The following PARP16 variants were observed in gnomAD, a reference collection of about 807,000 sequenced individuals.
PARP16 encodes protein mono-ADP-ribosyltransferase PARP16.
In PARP16, 31 loss-of-function variants were observed where a neutral mutation model predicts 35.0. The ratio of observed to expected loss-of-function variants is 0.88; its 90% confidence interval spans 0.66 to 1.19. The LOEUF (loss-of-function observed/expected upper bound fraction) is 1.19, where lower values mean the gene tolerates loss of function less well. PARP16 is among the 50% of genes most tolerant of loss of function. PARP16 has a pLI of 0.00. For missense variants in PARP16, 424 were observed against 411.2 expected, an observed-to-expected ratio of 1.03 and a Z score of -0.27; for synonymous variants, 162 against 169.5, an observed-to-expected ratio of 0.96 and a Z score of 0.34.
intron 3 of PARP16, among the ~76,000 whole-genome samples, chr15:65,236,860 T>C (rs1023105507): frequency 6.6e-6 from 1 of 150,830 alleles, no homozygotes; most frequent in Non-Finnish European, 1.5e-5. Flanking sequence ...TAGTCCCAGC[T>C]ACTCGGGAGG....
In PARP16 at chr15:65,244,119, C is replaced by T. The variant is rs557652787; in HGVS notation, c.*97+3998G>A. Reference sequence around the variant, plus strand: ...ATCTTCCACAGGCTCTTTGCATGGTCGTTTCTCATTCTCAATCTCCAGGTC... The same window carrying T: ...ATCTTCCACAGGCTCTTTGCATGGTTGTTTCTCATTCTCAATCTCCAGGTC... On this transcript the variant is annotated intron_variant and NMD_transcript_variant, in intron 3 of 3. Transcript: ENST00000559805. 5.9e-5 allele frequency among the ~76,000 whole-genome samples: 9 copies of T among 152,280 alleles called. No homozygotes were observed. In the South Asian group the frequency reaches 1.2e-3, roughly 21 times the overall value.
rs763570660 is a variant in PARP16 at position 65,260,969 on chromosome 15, A to T, written c.749T>A (p.Ile250Asn). 26 of 1,613,594 alleles carry T rather than the reference A, an allele frequency of 1.6e-5. No individual in the cohort carries two copies. In the African/African-American group the frequency reaches 2.7e-4, roughly 17 times the overall value. ...ARIKHSEGGD[I>N]PPKYFVVTNN... ...GGTGACCACGAAGTACTTGGGAGGG[A>T]TGTCTCCCCCTTCACTATGTTTGAT... Residue 250 changes from isoleucine to asparagine, a missense_variant, in exon 5 of 6, where the codon ATC becomes AAC. Ile to Asn is a moderately radical substitution (Grantham distance 149). Coordinates refer to ENST00000649807, the MANE Select transcript of PARP16 (RefSeq NM_001316943.2).
At chr15:65,241,338 A>G (rs1370950665) in intron 3 of PARP16, among the ~76,000 whole-genome samples, 3 of 141,954 alleles carry the variant, frequency 2.1e-5, no homozygotes, top group East Asian at 2.2e-4. Flanking sequence ...ACGGGGTTTC[A>G]CCATGTTGGC....
chr15:65,250,638 TCTC>T (rs1010450324), intron 2 of PARP16, among the ~76,000 whole-genome samples: 4 of 152,210 alleles, frequency 2.6e-5, no homozygotes, highest in African/African-American at 9.6e-5. Context: ...CTTCCTCCCT[TCTC>T]CTACTGCTGC....
At chr15:65,266,909 C>T (rs2089911686) in intron 2 of PARP16, 141 bp from the exon 3 acceptor site, 1 of 654,968 alleles carries the variant, frequency 1.5e-6, no homozygotes, top group African/African-American at 1.8e-5. Flanking sequence ...GAGACATAAG[C>T]AAACTCAGAG....
chr15:65,250,096 C>T (rs1198047864), intron 2 of PARP16, among the ~76,000 whole-genome samples: 3 of 143,350 alleles, frequency 2.1e-5, no homozygotes, highest in African/African-American at 7.6e-5. Flanking sequence ...TGCAGCCTTG[C>T]ACCTGCTTGC....
At chr15:65,264,703 GA>G (rs1245025582) in intron 3 of PARP16, among the ~76,000 whole-genome samples, 1 of 152,130 alleles carries the variant, frequency 6.6e-6, no homozygotes, top group East Asian at 1.9e-4. Flanking sequence ...TTAGACTTGA[GA>G]ACCCCATGCA....
chr15:65,239,955 C>CGTTTTTTTTTTTTTTTTT, intron 3 of PARP16, among the ~76,000 whole-genome samples: 1 of 81,750 alleles, frequency 1.2e-5, no homozygotes, highest in Non-Finnish European at 2.1e-5. Context: ...CGCGTCTGAC[C>CGTTTTTTTTTTTTTTTTT]TTTTTTTTTT....
In PARP16 at chr15:65,286,694, A is replaced by C; in HGVS notation, c.-268T>G. ...GCGGGGAGGTTGGGCCCAGGGATAA[A>C]GGAACTGGGGCTGGTGGGGGGGAGG... On this transcript the variant is annotated 5_prime_UTR_variant, in exon 1 of 6. Transcript: ENST00000649807. 1.5e-5 allele frequency: 5 copies of C among 324,522 alleles called. No individual in the cohort carries two copies. Among genetic ancestry groups the C allele is most frequent in the African/African-American group, 2.4e-5 (1 of 41,546 alleles). The allele number at this position is 324,522 out of a possible 1,614,324, so 20.1% of individuals were successfully genotyped here.
chr15:65,263,180 A>T lies in PARP16; in HGVS notation c.660T>A (p.His220Gln). The T allele has an allele frequency of 6.2e-7, 1 of 1,614,108 alleles. No homozygotes were observed. The highest frequency in any genetic ancestry group is 8.5e-7 in the Non-Finnish European group (1 of 1,180,012). Residue 220 changes from histidine to glutamine, a missense_variant, in exon 4 of 6, where the codon CAT becomes CAA. His to Gln is a conservative substitution (Grantham distance 24, BLOSUM62 0). Transcript: ENST00000649807. ...TCTTGGTTTGGCACTTGACGTCCGG[A>T]TGGTCAATGACCTCACACACGGCCA... ...SCVAVCEVIDHPDVKCQTKKK... is the reference protein window; with the variant it reads ...SCVAVCEVIDQPDVKCQTKKK...
intron 1 of PARP16, among the ~76,000 whole-genome samples, chr15:65,281,170 C>T (rs1408040339): frequency 1.3e-5 from 2 of 152,150 alleles, no homozygotes; most frequent in East Asian, 1.9e-4. Flanking sequence ...AAAAACTGTA[C>T]AGCTGCGACT....
intron 3 of PARP16, among the ~76,000 whole-genome samples, chr15:65,241,288 G>A (rs537555461): frequency 1.3e-5 from 2 of 151,702 alleles, no homozygotes; most frequent in East Asian, 1.9e-4. Flanking sequence ...TTACAGGCGT[G>A]TGCCACCACA....
intron 1 of PARP16, among the ~76,000 whole-genome samples, chr15:65,284,790 C>G (rs969120548): frequency 8.7e-5 from 13 of 148,666 alleles, no homozygotes; most frequent in South Asian, 2.2e-4. Context: ...GAGGGAAAAT[C>G]CTTGACTACT....
downstream of PARP16, among the ~76,000 whole-genome samples, chr15:65,256,090 CT>C (rs1395385793): frequency 2.0e-5 from 3 of 152,230 alleles, no homozygotes; most frequent in African/African-American, 7.2e-5. Flanking sequence ...CCATTTGACA[CT>C]GCTCATCTAG....
At chr15:65,234,081 C>T (rs371647651), downstream of PARP16, among the ~76,000 whole-genome samples, 5 of 152,280 alleles carry the variant, frequency 3.3e-5, no homozygotes, top group East Asian at 7.7e-4. Context: ...AATCTGATAA[C>T]AGAGCTTGGA....
chr15:65,260,762 TG>T, intron 5 of PARP16, 122 bp downstream of exon 5: 1 of 819,406 alleles, frequency 1.2e-6, no homozygotes, highest in Non-Finnish European at 2.0e-6. Context: ...GTGTCCAGCA[TG>T]GTGCTTTACA....
downstream of PARP16, among the ~76,000 whole-genome samples, chr15:65,256,338 AT>A (rs2089507178): frequency 6.7e-6 from 1 of 149,874 alleles, no homozygotes; most frequent in Non-Finnish European, 1.5e-5. Context: ...AGCTAGAGTG[AT>A]TTTTCTAAAA....
At chr15:65,265,284 G>A (rs1268619163) in intron 3 of PARP16, among the ~76,000 whole-genome samples, 1 of 152,144 alleles carries the variant, frequency 6.6e-6, no homozygotes, top group African/African-American at 2.4e-5. Flanking sequence ...CCTCTTCCTT[G>A]GTACTTAGTA....
chr15:65,280,118 T>A (rs2090375939), intron 1 of PARP16, among the ~76,000 whole-genome samples: 1 of 152,020 alleles, frequency 6.6e-6, no homozygotes, highest in Non-Finnish European at 1.5e-5. Flanking sequence ...AATATGGAAA[T>A]AAGCATCGAA....
Sources: allele counts gnomAD v4.1 joint callset (sites outside exome capture counted in the v4.1 genomes callset), GRCh38; gene constraint gnomAD v4.1.1; transcripts MANE v1.5; gene names NCBI Gene and HGNC (gene_info 2026-07-23, HGNC 2026-07-21).